NCOR1: variants seen among roughly 807,000 people sequenced by gnomAD.
The protein encoded by NCOR1 is protein phosphatase 1, regulatory subunit 109.
A neutral mutation model predicts 288.1 loss-of-function variants in NCOR1; 63 were observed. That is an observed-to-expected ratio of 0.22 (90% CI 0.18 to 0.27). NCOR1 has a LOEUF of 0.27. NCOR1 is among the 10% of genes least tolerant of loss of function. The pLI, the probability that NCOR1 is intolerant of heterozygous loss-of-function variation, is 1.00. For missense variants in NCOR1, 2,397 were observed against 3,019.2 expected (o/e 0.79, Z 4.83); for synonymous variants, 1,007 against 1,065.9 (o/e 0.94, Z 1.08).
chr17:16,082,210 T>TG (rs372572970), intron 23 of NCOR1, among the ~76,000 whole-genome samples: 1 of 148,456 alleles, frequency 6.7e-6, no homozygotes, highest in Non-Finnish European at 1.5e-5. Context: ...AAAGTGGGGG[T>TG]GGGGGGGATC....
chr17:16,139,138 A>T lies in NCOR1; in HGVS notation c.1222T>A (p.Phe408Ile). 1 of 1,613,748 alleles carries T rather than the reference A, an allele frequency of 6.2e-7. No homozygotes were observed. Among genetic ancestry groups the T allele is most frequent in the Non-Finnish European group, 8.5e-7 (1 of 1,179,828 alleles). ...TTGACTCGTCTTTGTTCTGCATCAAACATCATAGGTGGAATCACAGAGAGC... is the reference window on the plus strand; with the variant it reads ...TTGACTCGTCTTTGTTCTGCATCAATCATCATAGGTGGAATCACAGAGAGC... Reference protein sequence around the residue: ...RQLSVIPPMMFDAEQRRVKFI... With the variant: ...RQLSVIPPMMIDAEQRRVKFI... The change falls in exon 12 of 46, where the codon TTT becomes ATT. Residue 408 changes from phenylalanine to isoleucine, a missense_variant. Coordinates refer to ENST00000268712, the MANE Select transcript of NCOR1 (RefSeq NM_006311.4).
At chr17:16,199,946 G>A (rs1283623562) in intron 1 of NCOR1, among the ~76,000 whole-genome samples, 9 of 152,002 alleles carry the variant, frequency 5.9e-5, no homozygotes, top group Non-Finnish European at 1.2e-4. Context: ...TTGCAAACAG[G>A]TAATACAATA....
rs1567956513 is a variant in NCOR1 at position 16,092,662 on chromosome 17, TATATATATATATATATATATATATA to T, written c.2821-629_2821-605del. Among the ~76,000 whole-genome samples the T allele has an allele frequency of 3.1e-4, 3 of 9,602 alleles. No homozygotes were observed. In the East Asian group the frequency reaches 0.013, roughly 42 times the overall value. The allele number at this position is 9,602 out of a possible 152,430, so 6.3% of individuals were successfully genotyped here. On this transcript the variant is annotated intron_variant, in intron 21 of 45. Coordinates refer to ENST00000268712, the MANE Select transcript of NCOR1 (RefSeq NM_006311.4). ...TCAGATCCATTTATATATATATATATATATATATATATATATATATATATATATATATATTTTTTTTTTTTTTTTT... is the reference window on the plus strand; with the variant it reads ...TCAGATCCATTTATATATATATATATTATATATATTTTTTTTTTTTTTTTT...
At position 16,092,656 on chromosome 17, in the gene NCOR1, TATATATATATATATATATATATATA is replaced by T. The variant is rs1567956122; in HGVS notation, c.2821-623_2821-599del. ...CAGGGATCAGATCCATTTATATATA[TATATATATATATATATATATATATA>T]TATATATATATATATTTTTTTTTTT... is the stretch of plus-strand genomic sequence containing the variant. On this transcript the variant is annotated intron_variant, in intron 21 of 45. Coordinates refer to ENST00000268712, the MANE Select transcript of NCOR1 (RefSeq NM_006311.4). 7.3e-4 allele frequency among the ~76,000 whole-genome samples: 7 copies of T among 9,534 alleles called. No individual in the cohort carries two copies. In the East Asian group the frequency reaches 0.039, roughly 53 times the overall value. 6.3% of individuals were successfully genotyped at this position (9,534 alleles called of 152,430 possible).
intron 3 of NCOR1, among the ~76,000 whole-genome samples, chr17:16,175,959 G>A (rs1036088155): frequency 2.6e-5 from 4 of 152,114 alleles, no homozygotes; most frequent in Non-Finnish European, 5.9e-5. Context: ...GTTCACACCT[G>A]TAATCCCAGC....
chr17:16,035,007 A>T, intron 44 of NCOR1, 63 bp from the exon 45 acceptor site: 1 of 1,492,404 alleles, frequency 6.7e-7, no homozygotes, highest in Non-Finnish European at 9.2e-7. Flanking sequence ...CCAAAATGCT[A>T]ATGATTATAT....
At chr17:16,122,353 T>G (rs1464683408) in intron 15 of NCOR1, among the ~76,000 whole-genome samples, 1 of 152,236 alleles carries the variant, frequency 6.6e-6, no homozygotes, top group Non-Finnish European at 1.5e-5. Flanking sequence ...TAAATTGAAG[T>G]ACAACATAGT....
chr17:16,082,710 T>G (rs2063579447), intron 23 of NCOR1, among the ~76,000 whole-genome samples: 2 of 149,614 alleles, frequency 1.3e-5, no homozygotes, highest in African/African-American at 4.9e-5. Context: ...CAGAATTGTT[T>G]TAGGAGAGAG....
At chr17:16,182,704 G>C (rs1306523073) in intron 3 of NCOR1, among the ~76,000 whole-genome samples, 1 of 152,084 alleles carries the variant, frequency 6.6e-6, no homozygotes, top group Non-Finnish European at 1.5e-5. Context: ...CGTCCACCTT[G>C]GCCTCCCAAA....
intron 14 of NCOR1, among the ~76,000 whole-genome samples, chr17:16,127,206 T>C (rs34351630): frequency 0.091 from 3,675 of 40,516 alleles, 430 homozygotes; most frequent in African/African-American, 0.12. Context: ...TACATGTATG[T>C]ATATATCTGT....
At chr17:16,090,786 G>A (rs1160932465) in intron 22 of NCOR1, among the ~76,000 whole-genome samples, 3 of 152,174 alleles carry the variant, frequency 2.0e-5, no homozygotes, top group Non-Finnish European at 4.4e-5. Context: ...CTCAATATTG[G>A]TGTGATCTGG....
intron 37 of NCOR1, among the ~76,000 whole-genome samples, chr17:16,059,921 A>C (rs1201736363): frequency 2.0e-5 from 3 of 152,208 alleles, no homozygotes; most frequent in Non-Finnish European, 4.4e-5. Flanking sequence ...TGAGAAACTA[A>C]AATAAATCAC....
intron 1 of NCOR1, among the ~76,000 whole-genome samples, chr17:16,205,933 G>A (rs556817264): frequency 9.3e-5 from 13 of 140,086 alleles, no homozygotes; most frequent in African/African-American, 2.4e-4. Flanking sequence ...GCGATACTCC[G>A]TCTCAAAAAA....
At chr17:16,163,980 G>C (rs545363253) in intron 5 of NCOR1, among the ~76,000 whole-genome samples, 1,691 of 152,280 alleles carry the variant, frequency 0.011, 37 homozygotes, top group African/African-American at 0.038. Flanking sequence ...GGCTGCCAGG[G>C]GTTGGGGAAA....
At position 16,198,662 on chromosome 17, in the gene NCOR1, G is replaced by T. The variant is rs1375505547; in HGVS notation, c.-70-4023C>A. On this transcript the variant is annotated intron_variant, in intron 1 of 45. Coordinates refer to ENST00000268712, the MANE Select transcript of NCOR1 (RefSeq NM_006311.4). ...AATCGCTTGAACCCAAGAGGCAGAG[G>T]TTGCGGTGAGCCGAGATCGTGCCAT... The T allele has an allele frequency of 2.0e-5, 3 of 151,370 alleles. No homozygotes were observed. In the East Asian group the frequency reaches 5.8e-4, roughly 30 times the overall value. 9.4% of individuals were successfully genotyped at this position (151,370 alleles called of 1,614,324 possible). A position where few individuals can be genotyped will look rare whatever the true frequency, so the allele number is the denominator to read the frequency against.
At chr17:16,091,774 CA>C (rs1228447971) in intron 22 of NCOR1, 88 bp downstream of exon 22, 44 of 1,588,030 alleles carry the variant, frequency 2.8e-5, no homozygotes, top group Non-Finnish European at 3.2e-5. Flanking sequence ...GGGAGGCTGA[CA>C]ACTTACAAAG....
intron 1 of NCOR1, among the ~76,000 whole-genome samples, chr17:16,206,646 A>C (rs2153602519): frequency 6.6e-6 from 1 of 152,310 alleles, no homozygotes; most frequent in Admixed American, 6.5e-5. Context: ...TCGGCCTCCC[A>C]AAGTACTGGG....
At chr17:16,094,855 G>A (rs1056173599) in intron 21 of NCOR1, among the ~76,000 whole-genome samples, 4 of 152,164 alleles carry the variant, frequency 2.6e-5, no homozygotes, top group South Asian at 2.1e-4. Flanking sequence ...ATGGAGTCTC[G>A]TTAACTCAGT....
At chr17:16,210,263 A>T (rs2091992322) in intron 1 of NCOR1, among the ~76,000 whole-genome samples, 1 of 152,068 alleles carries the variant, frequency 6.6e-6, no homozygotes, top group South Asian at 2.1e-4. Context: ...GCATGCCTGT[A>T]ATCCCAGCTA....
Sources: allele counts gnomAD v4.1 joint callset (sites outside exome capture counted in the v4.1 genomes callset), GRCh38; gene constraint gnomAD v4.1.1; transcripts MANE v1.5; gene names NCBI Gene and HGNC (gene_info 2026-07-23, HGNC 2026-07-21).